ELFN2: variants seen among roughly 807,000 people sequenced by gnomAD.
The protein encoded by ELFN2 is protein phosphatase 1 regulatory subunit 29.
Under a neutral mutation model 45.5 loss-of-function variants are expected in ELFN2, and 17 were observed. The ratio of observed to expected loss-of-function variants is 0.37; its 90% confidence interval spans 0.26 to 0.56. ELFN2 has a LOEUF of 0.56. Ranked by LOEUF, ELFN2 falls within the 20% of genes least tolerant of loss-of-function variation. The probability of loss-of-function intolerance (pLI) is 0.77; values close to 1 mark genes in which losing one functional copy is unlikely to be tolerated. For synonymous variants in ELFN2, 550 were observed against 551.5 expected, an observed-to-expected ratio of 1.00 and a Z score of 0.04; for missense variants, 922 against 1,183.2, an observed-to-expected ratio of 0.78 and a Z score of 3.24.
Position 37,373,003 on chromosome 22 carries a change from C to T in ELFN2, c.*69G>A, listed in dbSNP as rs565340904. 8.9e-5 allele frequency: 135 copies of T among 1,509,726 alleles called. No homozygotes were observed. In the African/African-American group the frequency reaches 1.2e-3, roughly 14 times the overall value. The allele number at this position is 1,509,726 out of a possible 1,614,324, so 93.5% of individuals were successfully genotyped here. ...CCCCGAGTCTGCTCCCCGCCCTGGC[C>T]GCCTGGACCCTTCCCCCAAAAGGCC... On this transcript the variant is annotated 3_prime_UTR_variant, in exon 3 of 3. Transcript: ENST00000402918.
chr22:37,377,940 G>A (rs1164231943), intron 2 of ELFN2, among the ~76,000 whole-genome samples: 1 of 152,218 alleles, frequency 6.6e-6, no homozygotes, highest in Non-Finnish European at 1.5e-5. Context: ...CCCTCCCACA[G>A]GTAGCAAGGT....
chr22:37,426,290 C>A (rs1932848292), intron 1 of ELFN2, among the ~76,000 whole-genome samples: 1 of 152,156 alleles, frequency 6.6e-6, no homozygotes, highest in Non-Finnish European at 1.5e-5. Context: ...ACGCCTGACA[C>A]ACCATGGCCT....
chr22:37,426,537 C>A (rs1182712483), intron 1 of ELFN2, among the ~76,000 whole-genome samples: 1 of 151,034 alleles, frequency 6.6e-6, no homozygotes, highest in East Asian at 2.0e-4. Flanking sequence ...TCTCCACATG[C>A]ACACGGCGCC....
At chr22:37,356,845 A>G (rs1930962331) in intron 1 of ELFN2, among the ~76,000 whole-genome samples, 1 of 152,172 alleles carries the variant, frequency 6.6e-6, no homozygotes, top group African/African-American at 2.4e-5. Context: ...TAACAATATC[A>G]TCGTCTTTTT....
rs1159476533 is a variant in ELFN2 at position 37,381,955 on chromosome 22, C to CA, written c.-462-5960dup. Among the ~76,000 whole-genome samples the CA allele has an allele frequency of 7.1e-3, 421 of 59,232 alleles. 96 individuals carry two copies. Among genetic ancestry groups the CA allele is most frequent in the Non-Finnish European group, 9.8e-3 (327 of 33,456 alleles). The allele number at this position is 59,232 out of a possible 152,430, so 38.9% of individuals were successfully genotyped here. On this transcript the variant is annotated intron_variant, in intron 2 of 2. Coordinates refer to ENST00000402918, the MANE Select transcript of ELFN2 (RefSeq NM_052906.5). ...TGGGCGACAGAGTGAGACTCCGTCT[C>CA]AAAAAAAAAAAAAAAAAAAAAAAAA...
chr22:37,372,837 T>G lies in ELFN2; in HGVS notation c.*235A>C. 3.7e-6 allele frequency: 2 copies of G among 545,770 alleles called. No individual in the cohort carries two copies. The highest frequency in any genetic ancestry group is 3.2e-6 in the Non-Finnish European group (1 of 310,598). 33.8% of individuals were successfully genotyped at this position (545,770 alleles called of 1,614,324 possible). A position where few individuals can be genotyped will look rare whatever the true frequency, so the allele number is the denominator to read the frequency against. On this transcript the variant is annotated 3_prime_UTR_variant, in exon 3 of 3. Transcript: ENST00000402918. The surrounding 1 kb of genome is among the most constrained non-coding windows in gnomAD (Gnocchi z 4.4). The stretch of plus-strand genomic sequence containing the variant: ...AAGACGACTGGTTTCGGTATCAGTT[T>G]GTAAACTTTAAGGAAAATGTGTCTC...
chr22:37,344,017 A>G (rs1170417207), intron 1 of ELFN2, among the ~76,000 whole-genome samples: 1 of 127,398 alleles, frequency 7.8e-6, no homozygotes, highest in African/African-American at 3.1e-5. Context: ...CCCCCTGCCT[A>G]TGCCCGCCTG....
intron 1 of ELFN2, among the ~76,000 whole-genome samples, chr22:37,419,434 C>T (rs545465578): frequency 6.6e-6 from 1 of 152,180 alleles, no homozygotes; most frequent in East Asian, 1.9e-4. Flanking sequence ...ACATCACAGA[C>T]CCAGAGACTC....
intron 2 of ELFN2, among the ~76,000 whole-genome samples, chr22:37,416,276 G>A (rs952249834): frequency 1.3e-5 from 2 of 152,186 alleles, no homozygotes; most frequent in Non-Finnish European, 2.9e-5. Flanking sequence ...AGAGAGACAG[G>A]CTCCCCCAGG....
intron 2 of ELFN2, among the ~76,000 whole-genome samples, chr22:37,406,119 G>A (rs1932495555): frequency 6.6e-6 from 1 of 152,130 alleles, no homozygotes; most frequent in African/African-American, 2.4e-5. Flanking sequence ...TCCAGCCTGG[G>A]CAACAGGGTG....
At chr22:37,410,118 C>G (rs1011203307) in intron 2 of ELFN2, among the ~76,000 whole-genome samples, 4 of 152,186 alleles carry the variant, frequency 2.6e-5, no homozygotes, top group Non-Finnish European at 5.9e-5. Flanking sequence ...CAGCTTCCAT[C>G]CAGCCAGCTC....
At chr22:37,389,079 A>G (rs1932030446) in intron 2 of ELFN2, among the ~76,000 whole-genome samples, 1 of 152,172 alleles carries the variant, frequency 6.6e-6, no homozygotes, top group Admixed American at 6.5e-5. Context: ...TCCTCTGTCA[A>G]TTGGGGCCAC....
intron 2 of ELFN2, among the ~76,000 whole-genome samples, chr22:37,382,541 C>CTT (rs1241322092): frequency 8.4e-4 from 76 of 90,914 alleles, no homozygotes; most frequent in African/African-American, 9.7e-4. Context: ...CCACGCTGGC[C>CTT]TTTTTTTTTT....
At chr22:37,378,427 C>A (rs1363562097) in intron 2 of ELFN2, among the ~76,000 whole-genome samples, 1 of 152,238 alleles carries the variant, frequency 6.6e-6, no homozygotes, top group Admixed American at 6.5e-5. Context: ...CTGTCTGGAG[C>A]CTTGGGAAAG....
chr22:37,388,070 G>A (rs1216154445), intron 2 of ELFN2, among the ~76,000 whole-genome samples: 1 of 151,300 alleles, frequency 6.6e-6, no homozygotes, highest in Non-Finnish European at 1.5e-5. Flanking sequence ...TGCTCCTGCT[G>A]GTCTCTCTAC....
Position 37,373,234 on chromosome 22 carries a change from G to A in ELFN2, c.2301C>T (p.His767=). Residue 767 remains histidine (H), a synonymous_variant, in exon 3 of 3, where the codon CAC becomes CAT. Transcript: ENST00000402918. ...AGGGCCGGAAGCGCTCCCAGATCTT[G>A]TGCGTGCTCTCGGATGAGTACTCGG... ...SSPEYSSEST[H]KIWERFRPYK... 5 of 1,613,916 alleles carry A rather than the reference G, an allele frequency of 3.1e-6. No homozygotes were observed. Among genetic ancestry groups the A allele is most frequent in the East Asian group, 2.2e-5 (1 of 44,886 alleles).
At chr22:37,382,743 G>T (rs201039990) in intron 2 of ELFN2, among the ~76,000 whole-genome samples, 1 of 151,234 alleles carries the variant, frequency 6.6e-6, no homozygotes, top group Non-Finnish European at 1.5e-5. Context: ...GTAGAGATGG[G>T]GTTTCACCAC....
At chr22:37,364,774 A>G (rs539741334), downstream of ELFN2, among the ~76,000 whole-genome samples, 3 of 152,204 alleles carry the variant, frequency 2.0e-5, no homozygotes, top group African/African-American at 7.2e-5. Context: ...GGAGTCTGAG[A>G]AAAGGGCAGG....
intron 2 of ELFN2, among the ~76,000 whole-genome samples, chr22:37,378,856 G>A (rs909772555): frequency 6.6e-6 from 1 of 152,254 alleles, no homozygotes; most frequent in African/African-American, 2.4e-5. Flanking sequence ...GCAGCACTTG[G>A]CCCCTAGCCC....
Sources: gnomAD v4.1 joint callset for allele counts (sites outside exome capture counted in the v4.1 genomes callset) on GRCh38, gnomAD v4.1.1 for gene constraint, Gnocchi (gnomAD v3.1) non-coding constraint, MANE v1.5 for transcripts, NCBI Gene and HGNC (gene_info 2026-07-23, HGNC 2026-07-21) for gene names.